FRMPD1: variants seen among roughly 807,000 people sequenced by gnomAD.
The protein encoded by FRMPD1 is FERM and PDZ domain containing 1, also known as FERM and PDZ domain-containing protein 1.
In FRMPD1, 76 loss-of-function variants were observed where a neutral mutation model predicts 117.8. That is an observed-to-expected ratio of 0.65 (90% confidence interval 0.54 to 0.78). The LOEUF (loss-of-function observed/expected upper bound fraction) is 0.78. Ranked by LOEUF, FRMPD1 falls within the 30% of genes least tolerant of loss-of-function variation. The pLI is 0.00. For synonymous variants in FRMPD1, 783 were observed against 770.4 expected (o/e 1.02, Z -0.27); for missense variants, 1,786 against 1,964.5 (o/e 0.91, Z 1.72).
At chr9:37,671,376 T>C (rs1243847153) in intron 1 of FRMPD1, among the ~76,000 whole-genome samples, 3 of 152,326 alleles carry the variant, frequency 2.0e-5, no homozygotes, top group Non-Finnish European at 2.9e-5. Context: ...AAGGCTCTGT[T>C]ACCGTTGTTT....
At chr9:37,700,793 C>G (rs1052378851) in intron 2 of FRMPD1, among the ~76,000 whole-genome samples, 2 of 152,188 alleles carry the variant, frequency 1.3e-5, no homozygotes, top group African/African-American at 4.8e-5. Context: ...ATTAGTGTAA[C>G]TATAGGGCTT....
upstream of FRMPD1, among the ~76,000 whole-genome samples, chr9:37,647,148 T>C (rs1275073450): frequency 6.6e-6 from 1 of 152,108 alleles, no homozygotes; most frequent in Non-Finnish European, 1.5e-5. Context: ...TGTTCTATAT[T>C]AATATTAGAT....
At chr9:37,636,249 C>T in the FRMPD1 span, among the ~76,000 whole-genome samples, 3 of 152,168 alleles carry the variant, frequency 2.0e-5, no homozygotes, top group Admixed American at 6.5e-5. Flanking sequence ...TGGTCACACT[C>T]CTGGCCCTGG....
At chr9:37,682,232 T>C (rs1332698353) in intron 1 of FRMPD1, among the ~76,000 whole-genome samples, 1 of 152,210 alleles carries the variant, frequency 6.6e-6, no homozygotes, top group Non-Finnish European at 1.5e-5. Context: ...CAAGCCTCAA[T>C]GTCTTGTCTT....
the FRMPD1 span, among the ~76,000 whole-genome samples, chr9:37,639,261 GACT>G: frequency 6.6e-6 from 1 of 152,040 alleles, no homozygotes; most frequent in Non-Finnish European, 1.5e-5. Flanking sequence ...TTATCACAGC[GACT>G]AACAAAAACT....
chr9:37,744,974 C>A lies in FRMPD1; in HGVS notation c.2942C>A (p.Thr981Asn). The change falls in exon 16 of 16, where the codon ACT becomes AAT. Residue 981 changes from threonine (T) to asparagine (N), a missense_variant. Transcript: ENST00000377765. ...CSNPGSSGPD[T>N]AQARPSQILP... Reference sequence around the variant, plus strand: ...AACCCAGGTTCATCTGGCCCAGATACTGCTCAGGCAAGGCCTTCCCAAATC... The same window carrying A: ...AACCCAGGTTCATCTGGCCCAGATAATGCTCAGGCAAGGCCTTCCCAAATC... 2.5e-6 allele frequency: 4 copies of A among 1,614,224 alleles called. No individual in the cohort carries two copies. The highest frequency in any genetic ancestry group is 3.4e-6 in the Non-Finnish European group (4 of 1,180,024).
chr9:37,631,038 A>G, the FRMPD1 span, among the ~76,000 whole-genome samples: 5 of 152,322 alleles, frequency 3.3e-5, no homozygotes, highest in South Asian at 1.0e-3. Context: ...GGTAAATAGG[A>G]AGTCCTACAG....
chr9:37,738,958 A>G (rs558589055), intron 14 of FRMPD1, among the ~76,000 whole-genome samples: 2 of 152,254 alleles, frequency 1.3e-5, no homozygotes, highest in African/African-American at 4.8e-5. Context: ...GAAGGCTGCC[A>G]TGGGGGACTG....
At chr9:37,712,541 AGACAGGG>A (rs1822947166) in intron 5 of FRMPD1, among the ~76,000 whole-genome samples, 1 of 152,162 alleles carries the variant, frequency 6.6e-6, no homozygotes, top group African/African-American at 2.4e-5. Context: ...TTTTTAGTAG[AGACAGGG>A]TTTCGCCACA....
chr9:37,715,169 G>T (rs1206197919), intron 5 of FRMPD1, among the ~76,000 whole-genome samples: 4 of 151,984 alleles, frequency 2.6e-5, no homozygotes, highest in Admixed American at 6.6e-5. Flanking sequence ...TATATTCATT[G>T]TCTATAATAC....
In FRMPD1 at chr9:37,664,155, G is replaced by C. The variant is rs74961356; in HGVS notation, c.-5+13061G>C. ...CTGCTGGAACTGTGAAATGTTTCCT[G>C]AGAGAGGAGTGGAGGGCACCGAGAT... On this transcript the variant is annotated intron_variant, in intron 1 of 15. Coordinates refer to ENST00000377765, the MANE Select transcript of FRMPD1 (RefSeq NM_014907.3). Among the ~76,000 whole-genome samples, 199 of 152,214 alleles carry C rather than the reference G, an allele frequency of 1.3e-3. 4 individuals are homozygous for C. The East Asian group carries it at 0.031, about 23-fold the overall frequency.
chr9:37,606,886 T>C, the FRMPD1 span, among the ~76,000 whole-genome samples: 1 of 152,146 alleles, frequency 6.6e-6, no homozygotes, highest in African/African-American at 2.4e-5. Context: ...TCCTTGGCCC[T>C]TCACATGTCA....
At chr9:37,603,269 G>A in the FRMPD1 span, among the ~76,000 whole-genome samples, 1 of 152,228 alleles carries the variant, frequency 6.6e-6, no homozygotes, top group Admixed American at 6.5e-5. Flanking sequence ...GGTCTCTACA[G>A]TCTCTTCCAG....
chr9:37,618,094 T>G, the FRMPD1 span, among the ~76,000 whole-genome samples: 2 of 152,162 alleles, frequency 1.3e-5, no homozygotes, highest in African/African-American at 4.8e-5. Context: ...ATGAGGCAAT[T>G]AAGGACTGCA....
intron 15 of FRMPD1, among the ~76,000 whole-genome samples, chr9:37,743,583 G>A (rs1467603348): frequency 7.9e-6 from 1 of 126,394 alleles, no homozygotes; most frequent in Non-Finnish European, 1.6e-5. Context: ...TTGGAATTCT[G>A]GAGAATTTGT....
At chr9:37,737,888 G>T (rs1327509845) in intron 14 of FRMPD1, among the ~76,000 whole-genome samples, 1 of 145,426 alleles carries the variant, frequency 6.9e-6, no homozygotes, top group Non-Finnish European at 1.5e-5. Context: ...TCACTTATTT[G>T]TTCAGGAAGT....
At chr9:37,722,180 C>A (rs1411714516) in intron 6 of FRMPD1, among the ~76,000 whole-genome samples, 1 of 152,098 alleles carries the variant, frequency 6.6e-6, no homozygotes, top group East Asian at 1.9e-4. Context: ...ATATGAACAT[C>A]TTCCTTTTTC....
chr9:37,705,943 G>T (rs375380800), intron 2 of FRMPD1, among the ~76,000 whole-genome samples: 2 of 148,710 alleles, frequency 1.3e-5, no homozygotes, highest in Non-Finnish European at 3.0e-5. Context: ...CTGAGTGACA[G>T]AGTAAAACCC....
chr9:37,687,691 A>AT (rs1821997126), intron 1 of FRMPD1, among the ~76,000 whole-genome samples: 1 of 152,258 alleles, frequency 6.6e-6, no homozygotes, highest in South Asian at 2.1e-4. Context: ...GGAACATTAA[A>AT]TAATCCTTAT....
Sources: allele counts gnomAD v4.1 joint callset (sites outside exome capture counted in the v4.1 genomes callset), GRCh38; gene constraint gnomAD v4.1.1; transcripts MANE v1.5; gene names NCBI Gene and HGNC (gene_info 2026-07-23, HGNC 2026-07-21).